The following NNMT variants were observed in gnomAD, a reference collection of about 807,000 sequenced individuals.
The protein encoded by NNMT is nicotinamide N-methyltransferase.
In NNMT, 10 loss-of-function variants were observed where a neutral mutation model predicts 11.7. The ratio of observed to expected loss-of-function variants is 0.85; its 90% CI spans 0.53 to 1.45. The LOEUF is 1.45. NNMT is among the 40% of genes most tolerant of loss of function. NNMT has a pLI of 0.00. For synonymous variants in NNMT, 143 were observed against 133.8 expected (o/e 1.07, Z -0.48); for missense variants, 381 against 319.4 (o/e 1.19, Z -1.47).
intron 2 of NNMT, among the ~76,000 whole-genome samples, chr11:114,298,589 T>A (rs1945407543): frequency 1.3e-5 from 2 of 152,308 alleles, no homozygotes; most frequent in South Asian, 4.1e-4. Flanking sequence ...CATCCAAGCC[T>A]ATAGAACTTG....
At chr11:114,279,031 GGT>G (rs964591284) in intron 2 of NNMT, among the ~76,000 whole-genome samples, 7 of 152,242 alleles carry the variant, frequency 4.6e-5, no homozygotes, top group African/African-American at 1.7e-4. Context: ...CCAGGACGAG[GGT>G]GTGTGTCCTG....
intron 2 of NNMT, among the ~76,000 whole-genome samples, chr11:114,282,832 T>C (rs188505213): frequency 2.1e-3 from 322 of 152,290 alleles, no homozygotes; most frequent in Non-Finnish European, 3.6e-3. Flanking sequence ...TCATGGTCTG[T>C]GATGTGAAAA....
At chr11:114,302,923 C>A (rs1945451905) in intron 2 of NNMT, among the ~76,000 whole-genome samples, 1 of 152,138 alleles carries the variant, frequency 6.6e-6, no homozygotes, top group Admixed American at 6.5e-5. Flanking sequence ...GAGAAGTCAG[C>A]TGTCTGTGGC....
At chr11:114,267,521 G>A (rs190972551) in intron 2 of NNMT, among the ~76,000 whole-genome samples, 6 of 152,012 alleles carry the variant, frequency 3.9e-5, no homozygotes, top group Admixed American at 1.3e-4. Context: ...GTATTAGTTC[G>A]TTGTTAAAAA....
At chr11:114,307,315 T>C (rs1346760958) in intron 2 of NNMT, among the ~76,000 whole-genome samples, 1 of 152,246 alleles carries the variant, frequency 6.6e-6, no homozygotes, top group African/African-American at 2.4e-5. Flanking sequence ...CATCATATAA[T>C]AAATTGGACA....
At chr11:114,287,355 C>T (rs1171997232) in intron 2 of NNMT, among the ~76,000 whole-genome samples, 1 of 152,176 alleles carries the variant, frequency 6.6e-6, no homozygotes. Flanking sequence ...ACATTACCTT[C>T]TAAATCTTTA....
chr11:114,264,740 C>T (rs1438226657), intron 2 of NNMT, among the ~76,000 whole-genome samples: 2 of 152,222 alleles, frequency 1.3e-5, no homozygotes, highest in Non-Finnish European at 2.9e-5. Context: ...ACAACCTCCT[C>T]ATTGGGTTTG....
chr11:114,298,170 G>A lies in NNMT; in HGVS notation c.362+12G>A. Reference sequence around the variant, plus strand: ...CTTGAAGGGAACAGGTAGAGAAACTGGTGTCTACTTCTTGGCTTTTGAAGG... The same window carrying A: ...CTTGAAGGGAACAGGTAGAGAAACTAGTGTCTACTTCTTGGCTTTTGAAGG... On this transcript the variant is annotated intron_variant, in intron 2 of 2. Coordinates refer to ENST00000299964, the MANE Select transcript of NNMT (RefSeq NM_006169.3). The A allele has an allele frequency of 6.2e-7, 1 of 1,612,356 alleles. No individual in the cohort carries two copies. The highest frequency in any genetic ancestry group is 1.1e-5 in the South Asian group (1 of 90,946).
rs990104243 is a variant in NNMT, at chr11:114,312,739, C to A, written c.*262C>A. ...TGCCTGTGCTTACAAAAGAAGACCT[C>A]ACTTCCCTAAACATCTAGTTATGGC... On this transcript the variant is annotated 3_prime_UTR_variant, in exon 3 of 3. Transcript: ENST00000299964. 4 of 462,676 alleles carry A rather than the reference C, an allele frequency of 8.6e-6. No homozygotes were observed. The highest frequency in any genetic ancestry group is 1.5e-5 in the Non-Finnish European group (4 of 259,980). The allele number at this position is 462,676 out of a possible 1,614,324, so 28.7% of individuals were successfully genotyped here. A position where few individuals can be genotyped will look rare whatever the true frequency, so the allele number is the denominator to read the frequency against.
intron 2 of NNMT, among the ~76,000 whole-genome samples, chr11:114,286,143 A>G (rs1945297634): frequency 6.6e-6 from 1 of 152,210 alleles, no homozygotes; most frequent in South Asian, 2.1e-4. Context: ...ATTGAGTGAA[A>G]AAGAAACACT....
rs147777878 is a variant in NNMT at position 114,302,666 on chromosome 11, G to A, written c.362+4508G>A. 2.8e-3 allele frequency among the ~76,000 whole-genome samples: 431 copies of A among 152,202 alleles called. 2 individuals are homozygous for A. Among genetic ancestry groups the A allele is most frequent in the African/African-American group, 9.9e-3 (412 of 41,528 alleles). ...GTGTTAAGTATAGTCACATAAGTCA[G>A]TATACAGTTTTAAACAATGTATATA... is the stretch of plus-strand genomic sequence containing the variant. On this transcript the variant is annotated intron_variant, in intron 2 of 2. Coordinates refer to ENST00000299964, the MANE Select transcript of NNMT (RefSeq NM_006169.3).
At chr11:114,306,120 T>C (rs953526390) in intron 2 of NNMT, among the ~76,000 whole-genome samples, 5 of 152,358 alleles carry the variant, frequency 3.3e-5, no homozygotes, top group Non-Finnish European at 7.3e-5. Context: ...CATTTTTTCA[T>C]GTGTCTGTTG....
intron 2 of NNMT, among the ~76,000 whole-genome samples, chr11:114,282,326 T>G (rs1056510968): frequency 6.6e-6 from 1 of 152,048 alleles, no homozygotes; most frequent in Admixed American, 6.6e-5. Context: ...AGTGATCAGG[T>G]GGACAGACTG....
chr11:114,302,661 A>G (rs576723814), intron 2 of NNMT, among the ~76,000 whole-genome samples: 1 of 152,176 alleles, frequency 6.6e-6, no homozygotes, highest in African/African-American at 2.4e-5. Flanking sequence ...TAGTCACATA[A>G]GTCAGTATAC....
chr11:114,289,549 T>G (rs1945320799), intron 2 of NNMT, among the ~76,000 whole-genome samples: 1 of 152,216 alleles, frequency 6.6e-6, no homozygotes, highest in African/African-American at 2.4e-5. Flanking sequence ...TTATATGTAG[T>G]ATTTTTATTA....
chr11:114,264,975 G>A lies in NNMT; in HGVS notation c.-130+2041G>A, dbSNP rs562388318. 4.9e-4 allele frequency among the ~76,000 whole-genome samples: 74 copies of A among 152,260 alleles called. No homozygotes were observed. The South Asian group carries it at 0.015, about 31-fold the overall frequency. The stretch of plus-strand genomic sequence containing the variant: ...CCTGTCCTTTTGGGTTTTTATGGAA[G>A]CTTCATTATATAGGCATGATTGATT... On this transcript the variant is annotated intron_variant, in intron 2 of 4. Transcript: ENST00000535401.
chr11:114,302,618 T>C (rs568346053), intron 2 of NNMT, among the ~76,000 whole-genome samples: 1 of 152,368 alleles, frequency 6.6e-6, no homozygotes, highest in South Asian at 2.1e-4. Flanking sequence ...CCATCTTTAC[T>C]ATGTTTAAGT....
At position 114,272,663 on chromosome 11, in the gene NNMT, C is replaced by A. The variant is rs865961071; in HGVS notation, c.-130+9729C>A. ...GCATCAGAAAGTAGGAAGCCTCTCT[C>A]CACCTGCAGGGTGGCCTTGACTGCT... On this transcript the variant is annotated intron_variant, in intron 2 of 4. Transcript: ENST00000535401. Among the ~76,000 whole-genome samples the A allele has an allele frequency of 9.2e-5, 14 of 152,314 alleles. No individual in the cohort carries two copies. In the Middle Eastern group the frequency reaches 0.014, roughly 148 times the overall value.
chr11:114,306,825 C>T (rs1312582272), intron 2 of NNMT, among the ~76,000 whole-genome samples: 1 of 152,130 alleles, frequency 6.6e-6, no homozygotes, highest in Admixed American at 6.6e-5. Context: ...AAAGCTTAGG[C>T]CCCTGTCGAG....
Sources: gnomAD v4.1 joint callset for allele counts (sites outside exome capture counted in the v4.1 genomes callset) on GRCh38, gnomAD v4.1.1 for gene constraint, MANE v1.5 for transcripts, NCBI Gene and HGNC (gene_info 2026-07-23, HGNC 2026-07-21) for gene names.